The following PURG variants were observed in gnomAD, a reference collection of about 807,000 sequenced individuals.
The protein encoded by PURG is purine-rich element-binding protein gamma.
PURG carries 3 observed loss-of-function variants against 24.3 expected under a neutral mutation model. The observed-to-expected ratio is 0.12, with a 90% confidence interval of 0.06 to 0.32. The LOEUF (loss-of-function observed/expected upper bound fraction) is 0.32. Among genes scored for constraint, PURG ranks in the 10% least tolerant of loss-of-function variants. PURG has a pLI of 1.00. For missense variants in PURG, 371 were observed against 439.1 expected (o/e 0.84, Z 1.39); for synonymous variants, 180 against 173.1 (o/e 1.04, Z -0.31).
chr8:31,026,239 G>A (rs897372274), downstream of PURG, among the ~76,000 whole-genome samples: 3 of 151,616 alleles, frequency 2.0e-5, no homozygotes, highest in African/African-American at 7.3e-5. Context: ...TTTTTCATTA[G>A]GGAATACGGT....
chr8:31,028,074 T>G (rs1378986844), downstream of PURG, among the ~76,000 whole-genome samples: 1 of 151,792 alleles, frequency 6.6e-6, no homozygotes, highest in Non-Finnish European at 1.5e-5. Flanking sequence ...AAACAATGAT[T>G]GAAAAAAATT....
At chr8:31,006,353 G>A (rs1322762385) in intron 1 of PURG, among the ~76,000 whole-genome samples, 4 of 152,106 alleles carry the variant, frequency 2.6e-5, no homozygotes, top group Non-Finnish European at 5.9e-5. Flanking sequence ...CCAGCACTTT[G>A]AGAGGGCGAG....
At chr8:31,021,976 T>TC (rs1401488658) in intron 1 of PURG, among the ~76,000 whole-genome samples, 1 of 150,918 alleles carries the variant, frequency 6.6e-6, no homozygotes, top group Non-Finnish European at 1.5e-5. Context: ...TCTTTCTTTT[T>TC]TTTTTTTTTT....
At chr8:31,002,273 C>T (rs888723975) in intron 1 of PURG, among the ~76,000 whole-genome samples, 2 of 152,096 alleles carry the variant, frequency 1.3e-5, no homozygotes, top group African/African-American at 4.8e-5. Context: ...TTGAAAGTCT[C>T]TTCTAGCCCT....
chr8:31,021,971 C>CTT (rs1011753786), intron 1 of PURG, among the ~76,000 whole-genome samples: 29 of 136,930 alleles, frequency 2.1e-4, no homozygotes, highest in Non-Finnish European at 2.8e-4. Flanking sequence ...TCATTTCTTT[C>CTT]TTTTTTTTTT....
At chr8:30,996,238 C>T in exon 2 of PURG, 2 of 161,538 alleles carry the variant, frequency 1.2e-5, no homozygotes, top group Admixed American at 6.0e-5. Context: ...TGAAATTATC[C>T]CTCCCCCCTC....
intron 1 of PURG, among the ~76,000 whole-genome samples, chr8:31,002,776 GC>G (rs1270071890): frequency 1.3e-5 from 2 of 152,164 alleles, no homozygotes; most frequent in Non-Finnish European, 2.9e-5. Context: ...GAGCCACCGT[GC>G]CCGGCCGAGA....
At chr8:31,016,885 C>T (rs2129813441) in intron 1 of PURG, among the ~76,000 whole-genome samples, 1 of 152,230 alleles carries the variant, frequency 6.6e-6, no homozygotes, top group African/African-American at 2.4e-5. Flanking sequence ...GAGTTTAATA[C>T]TTAAGAGTAT....
intron 1 of PURG, among the ~76,000 whole-genome samples, chr8:31,023,709 A>G (rs1811043307): frequency 1.3e-5 from 2 of 152,196 alleles, no homozygotes; most frequent in Admixed American, 1.3e-4. Flanking sequence ...ATACCCTAGT[A>G]GTTACAAGTC....
intron 1 of PURG, among the ~76,000 whole-genome samples, chr8:31,022,208 T>A (rs1490050847): frequency 6.6e-6 from 1 of 152,182 alleles, no homozygotes; most frequent in Non-Finnish European, 1.5e-5. Context: ...TGAACTTAAG[T>A]GATCCGCCCG....
intron 1 of PURG, among the ~76,000 whole-genome samples, chr8:31,001,554 G>A (rs943018329): frequency 2.6e-5 from 4 of 152,128 alleles, no homozygotes; most frequent in Non-Finnish European, 4.4e-5. Flanking sequence ...GCTCTTTGGG[G>A]CCAAAGACTG....
At chr8:31,012,030 C>A (rs925248042) in intron 1 of PURG, among the ~76,000 whole-genome samples, 8 of 152,030 alleles carry the variant, frequency 5.3e-5, no homozygotes, top group African/African-American at 1.7e-4. Context: ...TGTTAAGTAC[C>A]GTGATTCTGA....
Position 31,032,862 on chromosome 8 carries a change from C to T in PURG, c.-6-74G>A, listed in dbSNP as rs1811272918. ...AGAACAATCGCAGACGCCCCTCGGCCTGACCGCCCCGCCGCCGCCCGCGAC... is the reference window on the plus strand; with the variant it reads ...AGAACAATCGCAGACGCCCCTCGGCTTGACCGCCCCGCCGCCGCCCGCGAC... On this transcript the variant is annotated intron_variant, in intron 1 of 1. Coordinates refer to ENST00000523392, the MANE Select transcript of PURG (RefSeq NM_001323311.2). This position sits in a 1 kb window ranked among gnomAD's most constrained non-coding sequence, Gnocchi z 5.9. The T allele has an allele frequency of 8.7e-7, 1 of 1,148,862 alleles. No individual in the cohort carries two copies. Among genetic ancestry groups the T allele is most frequent in the African/African-American group, 1.6e-5 (1 of 62,634 alleles). The allele number at this position is 1,148,862 out of a possible 1,614,324, so 71.2% of individuals were successfully genotyped here.
At chr8:31,029,631 G>A (rs893322212), downstream of PURG, among the ~76,000 whole-genome samples, 1 of 151,674 alleles carries the variant, frequency 6.6e-6, no homozygotes, top group African/African-American at 2.4e-5. Context: ...TTAAGAGAGT[G>A]TATACACTCA....
At chr8:31,000,281 T>C (rs1027546780) in intron 1 of PURG, among the ~76,000 whole-genome samples, 1 of 152,026 alleles carries the variant, frequency 6.6e-6, no homozygotes, top group East Asian at 1.9e-4. Context: ...GTGGAACAAA[T>C]AAAATAATAT....
rs73228678 is a variant in PURG, at chr8:31,021,456, A to G, written c.864+10463T>C. ...GGTTTTATCTGTAAACTAAAGATCA[A>G]ATAACTTGTATTTATTAGCACCAAC... On this transcript the variant is annotated intron_variant, in intron 1 of 1. Transcript: ENST00000339382. 2.2e-3 allele frequency among the ~76,000 whole-genome samples: 339 copies of G among 152,352 alleles called. 2 individuals carry two copies. The highest frequency in any genetic ancestry group is 3.7e-3 in the Non-Finnish European group (254 of 68,032).
chr8:31,013,459 C>A (rs568199365), intron 1 of PURG, among the ~76,000 whole-genome samples: 1 of 152,138 alleles, frequency 6.6e-6, no homozygotes, highest in Non-Finnish European at 1.5e-5. Flanking sequence ...GGTTCCTGGC[C>A]GGGCGCGGCG....
chr8:31,016,431 A>AATAC (rs1052514818), intron 1 of PURG, among the ~76,000 whole-genome samples: 3 of 151,362 alleles, frequency 2.0e-5, no homozygotes, highest in Non-Finnish European at 4.4e-5. Flanking sequence ...TAAATAAATA[A>AATAC]ATAAAATAAA....
Position 31,032,095 on chromosome 8 carries a change from T to C in PURG, c.688A>G (p.Ile230Val), listed in dbSNP as rs1157374072. 2 of 1,614,076 alleles carry C rather than the reference T, an allele frequency of 1.2e-6. No individual in the cohort carries two copies. The highest frequency in any genetic ancestry group is 4.5e-5 in the East Asian group (2 of 44,898). ...TGAACCAAGGCATCACGAAACTCAATCATTCCTTGTGCTGGGAGGACAATA... is the reference window on the plus strand; with the variant it reads ...TGAACCAAGGCATCACGAAACTCAACCATTCCTTGTGCTGGGAGGACAATA... ...QTIVLPAQGM[I>V]EFRDALVQLI... Residue 230 changes from isoleucine (I) to valine (V), a missense_variant, in exon 2 of 2, where the codon ATT becomes GTT. By Grantham distance (29) the Ile-to-Val change is conservative (BLOSUM62 3). Coordinates refer to ENST00000523392, the MANE Select transcript of PURG (RefSeq NM_001323311.2). The surrounding 1 kb of genome is among the most constrained non-coding windows in gnomAD (Gnocchi z 5.9).
Sources: allele counts gnomAD v4.1 joint callset (sites outside exome capture counted in the v4.1 genomes callset), GRCh38; gene constraint gnomAD v4.1.1; non-coding constraint Gnocchi (gnomAD v3.1); transcripts MANE v1.5; gene names NCBI Gene and HGNC (gene_info 2026-07-23, HGNC 2026-07-21).